SYNE2: variants seen among roughly 807,000 people sequenced by gnomAD.
SYNE2 encodes nesprin-2.
In SYNE2, 431 loss-of-function variants were observed where a neutral mutation model predicts 856.3. The ratio of observed to expected loss-of-function variants is 0.50; its 90% CI spans 0.47 to 0.55. SYNE2 has a LOEUF of 0.55. Among genes scored for constraint, SYNE2 ranks in the 20% least tolerant of loss-of-function variants. SYNE2 has a pLI of 0.00. For missense variants in SYNE2, 8,129 were observed against 8,023.2 expected, an observed-to-expected ratio of 1.01 and a Z score of -0.50; for synonymous variants, 2,923 against 2,872.3, an observed-to-expected ratio of 1.02 and a Z score of -0.56.
chr14:64,042,135 A>G (rs1249570210), intron 45 of SYNE2, among the ~76,000 whole-genome samples: 2 of 152,210 alleles, frequency 1.3e-5, no homozygotes, highest in Non-Finnish European at 2.9e-5. Flanking sequence ...ATTCATTTTC[A>G]TTCATTCAGT....
At chr14:63,807,864 T>TA (rs1888439449) in intron 1 of SYNE2, among the ~76,000 whole-genome samples, 6 of 108,088 alleles carry the variant, frequency 5.6e-5, no homozygotes, top group Non-Finnish European at 1.9e-5. Context: ...TATATATATA[T>TA]AATTTCAATA....
At chr14:64,049,995 A>G in intron 47 of SYNE2, 119 bp downstream of exon 47, 1 of 1,217,932 alleles carries the variant, frequency 8.2e-7, no homozygotes, top group East Asian at 2.6e-5. Context: ...TTTTAAAACC[A>G]CAGGATGGAA....
Position 64,070,901 on chromosome 14 carries a change from GAT to G in SYNE2, c.10689_10690del (p.Cys3564GlnfsTer11). 1 of 1,614,106 alleles carries G rather than the reference GAT, an allele frequency of 6.2e-7. No homozygotes were observed. Among genetic ancestry groups the G allele is most frequent in the Non-Finnish European group, 8.5e-7 (1 of 1,179,968 alleles). ...CAAGAAATTACTTCTATGAAAGAACGATGCAACAAGTAAGATTTATGAAAAAC... is the reference window on the plus strand; with the variant it reads ...CAAGAAATTACTTCTATGAAAGAACGGCAACAAGTAAGATTTATGAAAAAC... On this transcript the variant is annotated frameshift_variant, in exon 52 of 116. Transcript: ENST00000555002. LOFTEE classifies it high-confidence loss of function.
chr14:64,005,574 A>G (rs1334370578), intron 30 of SYNE2, among the ~76,000 whole-genome samples: 1 of 152,228 alleles, frequency 6.6e-6, no homozygotes, highest in African/African-American at 2.4e-5. Context: ...AACTGAGATG[A>G]AAAAGACTAA....
intron 57 of SYNE2, chr14:64,084,278 T>C (rs545890985): frequency 6.6e-6 from 1 of 152,204 alleles, no homozygotes; most frequent in Non-Finnish European, 1.5e-5. Context: ...AAAATATTAA[T>C]ACACCTATTT....
At position 64,173,922 on chromosome 14, in the gene SYNE2, TG is replaced by T. The variant is rs1323974164; in HGVS notation, c.17236-1020del. 5 of 696,824 alleles carry T rather than the reference TG, an allele frequency of 7.2e-6. No individual in the cohort carries two copies. In the African/African-American group the frequency reaches 8.8e-5, roughly 12 times the overall value. The allele number at this position is 696,824 out of a possible 1,614,324, so 43.2% of individuals were successfully genotyped here. ...AGAACGCCCATGTAGCCAGGTGTGG[TG>T]GCGCATCTCTTAAAAAACAGGACCT... On this transcript the variant is annotated intron_variant, in intron 94 of 115. Transcript: ENST00000555002.
At chr14:64,225,243 A>G (rs1356696069) in intron 115 of SYNE2, 76 bp from the exon 116 acceptor site, 11 of 1,609,634 alleles carry the variant, frequency 6.8e-6, no homozygotes, top group African/African-American at 2.7e-5. Flanking sequence ...TTACTTACAT[A>G]AGCAGGGGCT....
At chr14:63,806,953 G>A (rs1393496897) in intron 1 of SYNE2, among the ~76,000 whole-genome samples, 3 of 150,262 alleles carry the variant, frequency 2.0e-5, no homozygotes, top group Non-Finnish European at 4.4e-5. Context: ...GGCCTCAAGT[G>A]ATCCTCTTGC....
intron 99 of SYNE2, 45 bp from the exon 100 acceptor site, chr14:64,202,756 C>T: frequency 6.2e-7 from 1 of 1,613,310 alleles, no homozygotes; most frequent in Non-Finnish European, 8.5e-7. Flanking sequence ...TTTTCCATCA[C>T]TGGTTTTTTT....
rs2098511291 is a variant in SYNE2, at chr14:64,190,128, G to A, written c.17929G>A (p.Gly5977Ser). The change falls in exon 99 of 116, where the codon GGT (glycine) becomes AGT (serine). Residue 5977 changes from glycine (G) to serine (S), a missense_variant. Gly to Ser is a moderately conservative substitution (Grantham distance 56). Coordinates refer to ENST00000555002, the MANE Select transcript of SYNE2 (RefSeq NM_182914.3). Reference protein sequence around the residue: ...SENKLQLKQMGDQLIKASNKS... With the variant: ...SENKLQLKQMSDQLIKASNKS... ...AAACAAGTTACAGTTAAAGCAGATGGGTGACCAGTTGATCAAGGCCAGCAA... is the reference window on the plus strand; with the variant it reads ...AAACAAGTTACAGTTAAAGCAGATGAGTGACCAGTTGATCAAGGCCAGCAA... 1.2e-6 allele frequency: 2 copies of A among 1,613,980 alleles called. No individual in the cohort carries two copies. Among genetic ancestry groups the A allele is most frequent in the South Asian group, 1.1e-5 (1 of 91,070 alleles).
chr14:63,831,651 G>A (rs1234185459), intron 1 of SYNE2, among the ~76,000 whole-genome samples: 1 of 145,868 alleles, frequency 6.9e-6, no homozygotes, highest in African/African-American at 2.5e-5. Flanking sequence ...CACCTCCTGG[G>A]TTCAAGTGAT....
intron 47 of SYNE2, among the ~76,000 whole-genome samples, chr14:64,051,187 T>A (rs1419560256): frequency 6.6e-6 from 1 of 152,208 alleles, no homozygotes; most frequent in Non-Finnish European, 1.5e-5. Flanking sequence ...TATGGCAATA[T>A]CTCTCATTCC....
intron 95 of SYNE2, 91 bp from the exon 96 acceptor site, chr14:64,177,267 A>G (rs1246238785): frequency 2.6e-6 from 4 of 1,520,326 alleles, no homozygotes; most frequent in East Asian, 2.3e-5. Context: ...AACTTAATAG[A>G]AAGATTATGT....
At chr14:63,870,629 T>C (rs566901038) in intron 1 of SYNE2, among the ~76,000 whole-genome samples, 2 of 141,294 alleles carry the variant, frequency 1.4e-5, no homozygotes, top group East Asian at 4.0e-4. Context: ...GGGATTTTAG[T>C]TTCACTTTTA....
intron 1 of SYNE2, among the ~76,000 whole-genome samples, chr14:63,821,440 T>G (rs984439506): frequency 6.6e-6 from 1 of 152,124 alleles, no homozygotes; most frequent in Non-Finnish European, 1.5e-5. Flanking sequence ...TGTATTTGTG[T>G]AGAAGCACTT....
intron 1 of SYNE2, among the ~76,000 whole-genome samples, chr14:63,894,038 C>T (rs556197379): frequency 1.8e-4 from 28 of 152,246 alleles, no homozygotes; most frequent in Admixed American, 1.1e-3. Context: ...CAGTTCACCT[C>T]GAGCCAAGTT....
chr14:63,967,948 A>AG (rs1341868801), intron 11 of SYNE2, 102 bp downstream of exon 11: 54 of 1,159,994 alleles, frequency 4.7e-5, no homozygotes, highest in Non-Finnish European at 6.5e-5. Context: ...GGATCACTTG[A>AG]GGTCAGGAGT....
intron 85 of SYNE2, among the ~76,000 whole-genome samples, chr14:64,156,700 C>T (rs749666634): frequency 1.3e-5 from 2 of 151,968 alleles, no homozygotes; most frequent in African/African-American, 2.4e-5. Context: ...CTTAGGTGAT[C>T]CAACCACCTT....
At chr14:63,764,983 T>C (rs1207053443) in intron 1 of SYNE2, among the ~76,000 whole-genome samples, 1 of 152,006 alleles carries the variant, frequency 6.6e-6, no homozygotes, top group Non-Finnish European at 1.5e-5. Context: ...GTGAAGCAAC[T>C]CAGAGTTAAC....
Sources: allele counts gnomAD v4.1 joint callset (sites outside exome capture counted in the v4.1 genomes callset), GRCh38; gene constraint gnomAD v4.1.1; transcripts MANE v1.5; gene names NCBI Gene and HGNC (gene_info 2026-07-23, HGNC 2026-07-21).